RBFOX3: variants seen among roughly 807,000 people sequenced by gnomAD.
RBFOX3 encodes RNA binding protein fox-1 homolog 3.
A neutral mutation model predicts 48.7 loss-of-function variants in RBFOX3; 17 were observed. That is an observed-to-expected ratio of 0.35 (90% CI 0.24 to 0.52). RBFOX3 has a LOEUF of 0.52. Among genes scored for constraint, RBFOX3 ranks in the 20% least tolerant of loss-of-function variants. RBFOX3 has a pLI of 0.94. For synonymous variants in RBFOX3, 212 were observed against 209.5 expected, an observed-to-expected ratio of 1.01 and a Z score of -0.10; for missense variants, 382 against 497.5, an observed-to-expected ratio of 0.77 and a Z score of 2.21.
At position 79,339,099 on chromosome 17, in the gene RBFOX3, G is replaced by A. The variant is rs116706482; in HGVS notation, c.-174-31275C>T. Among the ~76,000 whole-genome samples, 719 of 151,848 alleles carry A rather than the reference G, an allele frequency of 4.7e-3. 5 individuals carry two copies. The highest frequency in any genetic ancestry group is 0.017 in the African/African-American group (685 of 41,340). ...TTAGACAGTCTCACTCTGTTGCCCA[G>A]GCTAGAGTACAGTGATGCAATCATA... On this transcript the variant is annotated intron_variant, in intron 2 of 14. Coordinates refer to ENST00000693108, the MANE Select transcript of RBFOX3 (RefSeq NM_001350451.2).
the RBFOX3 span, among the ~76,000 whole-genome samples, chr17:79,649,761 A>G: frequency 1.3e-5 from 2 of 152,216 alleles, no homozygotes; most frequent in African/African-American, 4.8e-5. Context: ...AATTGGCTCA[A>G]GGTTCTGCAG....
At chr17:79,611,289 C>G (rs995598310), upstream of RBFOX3, among the ~76,000 whole-genome samples, 12 of 147,566 alleles carry the variant, frequency 8.1e-5, no homozygotes, top group African/African-American at 2.4e-4. Flanking sequence ...GGTGGCAGCT[C>G]GAGCGGAGCG....
At chr17:79,609,553 CAAAGCTGGAACGG>C (rs1169076992) in intron 1 of RBFOX3, among the ~76,000 whole-genome samples, 7 of 152,220 alleles carry the variant, frequency 4.6e-5, no homozygotes, top group Non-Finnish European at 1.0e-4. Context: ...GGTACCTCGC[CAAAGCTGGAACGG>C]AAAGGGGAGG....
intron 4 of RBFOX3, among the ~76,000 whole-genome samples, chr17:79,125,280 T>C (rs1361067821): frequency 6.6e-6 from 1 of 152,172 alleles, no homozygotes; most frequent in Non-Finnish European, 1.5e-5. Flanking sequence ...TACATGTCCT[T>C]GGTCCCAGGA....
At chr17:79,317,939 T>G (rs1412824147) in intron 2 of RBFOX3, among the ~76,000 whole-genome samples, 1 of 152,146 alleles carries the variant, frequency 6.6e-6, no homozygotes, top group Non-Finnish European at 1.5e-5. Flanking sequence ...GTCGGTTTCA[T>G]GATTATTTTT....
In RBFOX3 at chr17:79,195,400, T is replaced by C. The variant is rs903711639; in HGVS notation, c.-34+40366A>G. Among the ~76,000 whole-genome samples, 3 of 151,664 alleles carry C rather than the reference T, an allele frequency of 2.0e-5. No homozygotes were observed. Among genetic ancestry groups the C allele is most frequent in the African/African-American group, 7.3e-5 (3 of 41,266 alleles). On this transcript the variant is annotated intron_variant, in intron 4 of 14. Transcript: ENST00000693108. The surrounding 1 kb of genome is among the most constrained non-coding windows in gnomAD (Gnocchi z 5.3). The stretch of plus-strand genomic sequence containing the variant: ...TTGGGTGACAGAGTGAGACTCCATC[T>C]TGAAAAAAAAAAAGAAGAAGAAGAA...
At chr17:79,445,759 G>A (rs1463685255) in intron 2 of RBFOX3, among the ~76,000 whole-genome samples, 1 of 152,196 alleles carries the variant, frequency 6.6e-6, no homozygotes, top group Admixed American at 6.5e-5. Context: ...GCTGGGTGTT[G>A]CCCTGTTTTA....
intron 1 of RBFOX3, among the ~76,000 whole-genome samples, chr17:79,580,284 C>T (rs1008000660): frequency 4.6e-5 from 6 of 131,864 alleles, no homozygotes; most frequent in Non-Finnish European, 9.7e-5. Context: ...CCCCCCCATC[C>T]TCCTCCTCCT....
intron 2 of RBFOX3, among the ~76,000 whole-genome samples, chr17:79,330,825 A>C (rs928983445): frequency 6.6e-6 from 1 of 152,152 alleles, no homozygotes; most frequent in Non-Finnish European, 1.5e-5. Context: ...CCTTCGGAGA[A>C]GCCTTCCCTG....
chr17:79,512,670 C>T (rs1287515143), intron 1 of RBFOX3, among the ~76,000 whole-genome samples: 1 of 134,738 alleles, frequency 7.4e-6, no homozygotes, highest in Non-Finnish European at 1.6e-5. Flanking sequence ...GGGACACCCA[C>T]CCGGATACGT....
At chr17:79,531,511 G>A (rs1212035268) in intron 1 of RBFOX3, among the ~76,000 whole-genome samples, 7 of 152,242 alleles carry the variant, frequency 4.6e-5, no homozygotes, top group African/African-American at 9.6e-5. Context: ...CTGAGTGCAC[G>A]GGGGAGACGG....
intron 2 of RBFOX3, among the ~76,000 whole-genome samples, chr17:79,336,941 G>A (rs1189687175): frequency 6.6e-6 from 1 of 152,144 alleles, no homozygotes; most frequent in Non-Finnish European, 1.5e-5. Context: ...CGAACATGGT[G>A]AAACCCTGTC....
chr17:79,097,163 C>T, intron 11 of RBFOX3, 129 bp downstream of exon 11: 1 of 823,816 alleles, frequency 1.2e-6, no homozygotes. Context: ...TTCTGGGGCT[C>T]CCACGATCCT....
chr17:79,596,577 C>T (rs1249126791), intron 1 of RBFOX3, among the ~76,000 whole-genome samples: 1 of 152,202 alleles, frequency 6.6e-6, no homozygotes, highest in African/African-American at 2.4e-5. Flanking sequence ...GCCCCTGCCC[C>T]CCAACCAGCT....
chr17:79,234,640 C>T (rs2061415696), intron 4 of RBFOX3: 1 of 151,660 alleles, frequency 6.6e-6, no homozygotes, highest in Non-Finnish European at 1.5e-5. Flanking sequence ...CAGATGATCT[C>T]CAACTTACGA....
intron 4 of RBFOX3, among the ~76,000 whole-genome samples, chr17:79,225,956 G>A (rs913697236): frequency 1.3e-5 from 2 of 152,150 alleles, no homozygotes; most frequent in Non-Finnish European, 2.9e-5. Context: ...GGGTGTGGGA[G>A]GGCAGAGGAG....
At chr17:79,097,452 G>A in intron 10 of RBFOX3, 28 bp from the exon 11 acceptor site, 4 of 1,525,728 alleles carry the variant, frequency 2.6e-6, no homozygotes, top group Non-Finnish European at 3.5e-6. Context: ...CGAGACACGT[G>A]TGAGAGGCAC....
chr17:79,647,414 C>G, the RBFOX3 span, among the ~76,000 whole-genome samples: 1 of 152,158 alleles, frequency 6.6e-6, no homozygotes, highest in Admixed American at 6.5e-5. Flanking sequence ...ACCCACAGCA[C>G]AGCAGCTGCC....
At chr17:79,426,438 C>T (rs74000084) in intron 2 of RBFOX3, among the ~76,000 whole-genome samples, 2,592 of 152,286 alleles carry the variant, frequency 0.017, 75 homozygotes, top group African/African-American at 0.059. Flanking sequence ...GAAGAGACAA[C>T]GGCAGGCAGG....
Sources: gnomAD v4.1 joint callset for allele counts (sites outside exome capture counted in the v4.1 genomes callset) on GRCh38, gnomAD v4.1.1 for gene constraint, Gnocchi (gnomAD v3.1) non-coding constraint, MANE v1.5 for transcripts, NCBI Gene and HGNC (gene_info 2026-07-23, HGNC 2026-07-21) for gene names.